TRIB2: variants seen among roughly 807,000 people sequenced by gnomAD.
TRIB2 encodes tribbles homolog 2.
Under a neutral mutation model 26.8 loss-of-function variants are expected in TRIB2, and 2 were observed. That is an observed-to-expected ratio of 0.07 (90% confidence interval 0.03 to 0.24). TRIB2 has a LOEUF of 0.24. Ranked by LOEUF, TRIB2 falls within the 10% of genes least tolerant of loss-of-function variation. The pLI is 1.00. For synonymous variants in TRIB2, 189 were observed against 187.3 expected (o/e 1.01, Z -0.08); for missense variants, 306 against 449.0 (o/e 0.68, Z 2.88).
rs1346973390 is a variant in TRIB2, at chr2:12,740,393, G to A, written c.631G>A (p.Asp211Asn). 7 of 1,614,054 alleles carry A rather than the reference G, an allele frequency of 4.3e-6. No homozygotes were observed. The highest frequency in any genetic ancestry group is 1.6e-4 in the Middle Eastern group (1 of 6,084). The change falls in exon 3 of 3, where the codon GAC becomes AAC. Residue 211 changes from aspartate to asparagine, a missense_variant. By Grantham distance (23) the Asp-to-Asn change is conservative. Around this residue, in one of 4 missense-constraint regions of TRIB2, gnomAD observed 118 missense variants for 188.8 expected, o/e 0.63. Transcript: ENST00000155926. The surrounding 1 kb of genome is among the most constrained non-coding windows in gnomAD (Gnocchi z 5.8). ...GCGGGGAGATGATGATTCCCTCTCC[G>A]ACAAGCATGGCTGCCCGGCTTACGT... Reference protein sequence around the residue: ...ILRGDDDSLSDKHGCPAYVSP... With the variant: ...ILRGDDDSLSNKHGCPAYVSP...
rs1244754239 is a variant in TRIB2 at position 12,717,911 on chromosome 2, G to C, written c.-397G>C. 1 of 242,466 alleles carries C rather than the reference G, an allele frequency of 4.1e-6. No homozygotes were observed. Among genetic ancestry groups the C allele is most frequent in the African/African-American group, 2.2e-5 (1 of 44,642 alleles). The allele number at this position is 242,466 out of a possible 1,614,324, so 15.0% of individuals were successfully genotyped here. On this transcript the variant is annotated 5_prime_UTR_variant, in exon 1 of 3. Transcript: ENST00000155926. The surrounding 1 kb of genome is among the most constrained non-coding windows in gnomAD (Gnocchi z 4.8). ...CCGCGGGCTCCTCCGCCCCGTCTGCGATTCGGAAGCCGGCCTGGGGGTCGC... is the reference window on the plus strand; with the variant it reads ...CCGCGGGCTCCTCCGCCCCGTCTGCCATTCGGAAGCCGGCCTGGGGGTCGC...
At position 12,717,547 on chromosome 2, in the gene TRIB2, T is replaced by C. The variant is rs1666619819; in HGVS notation, c.-761T>C. 2.5e-6 allele frequency: 1 copy of C among 398,216 alleles called. No individual in the cohort carries two copies. Among genetic ancestry groups the C allele is most frequent in the Non-Finnish European group, 4.4e-6 (1 of 225,840 alleles). The allele number at this position is 398,216 out of a possible 1,614,324, so 24.7% of individuals were successfully genotyped here. A position where few individuals can be genotyped will look rare whatever the true frequency, so the allele number is the denominator to read the frequency against. The stretch of plus-strand genomic sequence containing the variant: ...CCCGCGCCGCAACTCTGTGCCCAGC[T>C]TTTGCAATCTTTTGTTGGCAGCGCT... On this transcript the variant is annotated 5_prime_UTR_variant, in exon 1 of 3. Coordinates refer to ENST00000155926, the MANE Select transcript of TRIB2 (RefSeq NM_021643.4). The surrounding 1 kb of genome is among the most constrained non-coding windows in gnomAD (Gnocchi z 4.8).
At chr2:12,723,180 C>A in intron 1 of TRIB2, 80 bp from the exon 2 acceptor site, 2 of 1,475,796 alleles carry the variant, frequency 1.4e-6, no homozygotes, top group East Asian at 2.3e-5. Context: ...AAGCCCATAC[C>A]TGTGGGAGGT....
At chr2:12,723,233 T>G in intron 1 of TRIB2, 27 bp from the exon 2 acceptor site, 1 of 1,597,414 alleles carries the variant, frequency 6.3e-7, no homozygotes, top group Non-Finnish European at 8.5e-7. Flanking sequence ...ACCTCTGACT[T>G]TGGTCTTACT....
At chr2:12,729,871 A>G (rs1661417208) in intron 2 of TRIB2, among the ~76,000 whole-genome samples, 1 of 152,262 alleles carries the variant, frequency 6.6e-6, no homozygotes, top group Non-Finnish European at 1.5e-5. Flanking sequence ...CTTCTCTGAA[A>G]TCATGAGAAG....
chr2:12,740,644 A>G lies in TRIB2; in HGVS notation c.882A>G (p.Ser294=), dbSNP rs931103109. 2 of 1,614,230 alleles carry G rather than the reference A, an allele frequency of 1.2e-6. No individual in the cohort carries two copies. Among genetic ancestry groups the G allele is most frequent in the Admixed American group, 1.7e-5 (1 of 60,034 alleles). ...LIRSILRREP[S]ERLTSQEILD... ...GAAGCATTCTGCGTCGGGAGCCCTC[A>G]GAGCGGCTGACCTCGCAGGAAATTC... The change falls in exon 3 of 3, where the codon TCA becomes TCG. Residue 294 remains serine (S), a synonymous_variant. Coordinates refer to ENST00000155926, the MANE Select transcript of TRIB2 (RefSeq NM_021643.4). The surrounding 1 kb of genome is among the most constrained non-coding windows in gnomAD (Gnocchi z 5.8).
In TRIB2 at chr2:12,732,117, A is replaced by G. The variant is rs1163720513; in HGVS notation, c.564-8209A>G. 6.6e-6 allele frequency among the ~76,000 whole-genome samples: 1 copy of G among 152,068 alleles called. No individual in the cohort carries two copies. Among genetic ancestry groups the G allele is most frequent in the Non-Finnish European group, 1.5e-5 (1 of 68,016 alleles). ...CCTCTGTGAAGCCCTGGCGGCCTGC[A>G]GGCTGTGCTTGTGTGGTGTCTGCAT... is the stretch of plus-strand genomic sequence containing the variant. On this transcript the variant is annotated intron_variant, in intron 2 of 2. Transcript: ENST00000155926. The surrounding 1 kb of genome is among the most constrained non-coding windows in gnomAD (Gnocchi z 4.2).
intron 2 of TRIB2, among the ~76,000 whole-genome samples, chr2:12,737,176 G>GCC (rs1558320046): frequency 6.6e-6 from 1 of 152,206 alleles, no homozygotes; most frequent in African/African-American, 2.4e-5. Context: ...CAGGTTTGGG[G>GCC]CAGACGAACC....
rs1310661197 is a variant in TRIB2, at chr2:12,718,804, G to A, written c.270+227G>A. ...GGCGTTTCGGGGAGAGCCCGGGGAG[G>A]AGAGGGCGGCGGGACTGCGCGGGGG... On this transcript the variant is annotated intron_variant, in intron 1 of 2. Transcript: ENST00000155926. The surrounding 1 kb of genome is among the most constrained non-coding windows in gnomAD (Gnocchi z 4.0). 6.6e-6 allele frequency among the ~76,000 whole-genome samples: 1 copy of A among 152,172 alleles called. No individual in the cohort carries two copies. Among genetic ancestry groups the A allele is most frequent in the Non-Finnish European group, 1.5e-5 (1 of 68,034 alleles).
At position 12,717,142 on chromosome 2, in the gene TRIB2, C is replaced by T; in HGVS notation, c.-1166C>T. ...CCCTCTTTTCTCTGGGGGGGGCAAG[C>T]AAGAAATCAAAGAAGGAGGAGACAA... On this transcript the variant is annotated 5_prime_UTR_variant, in exon 1 of 3. Transcript: ENST00000155926. This position sits in a 1 kb window ranked among gnomAD's most constrained non-coding sequence, Gnocchi z 4.8. 1 of 380,326 alleles carries T rather than the reference C, an allele frequency of 2.6e-6. No individual in the cohort carries two copies. The highest frequency in any genetic ancestry group is 4.5e-5 in the Admixed American group (1 of 22,176). 23.6% of individuals were successfully genotyped at this position (380,326 alleles called of 1,614,324 possible).
chr2:12,733,193 C>T (rs929366283), intron 2 of TRIB2, among the ~76,000 whole-genome samples: 1 of 152,200 alleles, frequency 6.6e-6, no homozygotes, highest in Non-Finnish European at 1.5e-5. Flanking sequence ...TTGGACAAGT[C>T]ACATCTACTT....
Position 12,740,872 on chromosome 2 carries a change from A to G in TRIB2, c.*78A>G. 7.5e-7 allele frequency: 1 copy of G among 1,341,020 alleles called. No individual in the cohort carries two copies. The highest frequency in any genetic ancestry group is 1.0e-6 in the Non-Finnish European group (1 of 967,894). 83.1% of individuals were successfully genotyped at this position (1,341,020 alleles called of 1,614,324 possible). ...AAAGGAGTTCTTCCGGGGGACACGA[A>G]TTGCCTGGCTGAGTAGCAAGAAAGA... On this transcript the variant is annotated 3_prime_UTR_variant, in exon 3 of 3. Transcript: ENST00000155926. This position sits in a 1 kb window ranked among gnomAD's most constrained non-coding sequence, Gnocchi z 5.8.
rs1558321558 is a variant in TRIB2, at chr2:12,740,764, G to A, written c.1002G>A (p.Met334Ile). Reference protein sequence around the residue: ...VSDQLVPDVNMEENLDPFFN With the variant: ...VSDQLVPDVNIEENLDPFFN ...ACCAGCTGGTGCCGGACGTCAACAT[G>A]GAAGAGAACTTGGACCCTTTCTTTA... Residue 334 changes from methionine to isoleucine, a missense_variant, in exon 3 of 3, where the codon ATG becomes ATA. Physicochemically the swap from Met to Ile is conservative, Grantham distance 10. Around this residue, in one of 4 missense-constraint regions of TRIB2, gnomAD observed 78 missense variants for 104.9 expected, o/e 0.74. Coordinates refer to ENST00000155926, the MANE Select transcript of TRIB2 (RefSeq NM_021643.4). The surrounding 1 kb of genome is among the most constrained non-coding windows in gnomAD (Gnocchi z 5.8). 6.2e-7 allele frequency: 1 copy of A among 1,614,116 alleles called. No individual in the cohort carries two copies. Among genetic ancestry groups the A allele is most frequent in the Non-Finnish European group, 8.5e-7 (1 of 1,180,002 alleles).
Position 12,717,172 on chromosome 2 carries a change from T to A in TRIB2, c.-1136T>A. The A allele has an allele frequency of 2.6e-6, 1 of 391,590 alleles. No homozygotes were observed. The allele number at this position is 391,590 out of a possible 1,614,324, so 24.3% of individuals were successfully genotyped here. ...AATCAAAGAAGGAGGAGACAAGCCG[T>A]CAATTTTCTCCAAAACAAACCCCAC... On this transcript the variant is annotated 5_prime_UTR_variant, in exon 1 of 3. Transcript: ENST00000155926. The surrounding 1 kb of genome is among the most constrained non-coding windows in gnomAD (Gnocchi z 4.8).
In TRIB2 at chr2:12,717,457, T is replaced by G. The variant is rs112323864; in HGVS notation, c.-851T>G. 37 of 398,502 alleles carry G rather than the reference T, an allele frequency of 9.3e-5. 1 individual carries two copies. The highest frequency in any genetic ancestry group is 5.5e-4 in the African/African-American group (27 of 48,738). The allele number at this position is 398,502 out of a possible 1,614,324, so 24.7% of individuals were successfully genotyped here. On this transcript the variant is annotated 5_prime_UTR_variant, in exon 1 of 3. It removes an upstream start codon present in the reference 5' UTR. Transcript: ENST00000155926. This position sits in a 1 kb window ranked among gnomAD's most constrained non-coding sequence, Gnocchi z 4.8. ...GGGGCGCGAGCGAGCGGCGACAGCA[T>G]GAGCCTGTGCTGACCTCCGCGCGGC...
At chr2:12,736,627 G>T (rs1017889786) in intron 2 of TRIB2, among the ~76,000 whole-genome samples, 1 of 152,150 alleles carries the variant, frequency 6.6e-6, no homozygotes, top group Non-Finnish European at 1.5e-5. Context: ...CCCTGGGGTC[G>T]ACAGCAGGAC....
chr2:12,735,382 G>A (rs1661546107), intron 2 of TRIB2, among the ~76,000 whole-genome samples: 1 of 152,102 alleles, frequency 6.6e-6, no homozygotes, highest in Admixed American at 6.5e-5. Flanking sequence ...CCCTGACACT[G>A]GGGAAGCACA....
intron 2 of TRIB2, among the ~76,000 whole-genome samples, chr2:12,731,261 C>T (rs539856354): frequency 3.3e-5 from 5 of 152,052 alleles, no homozygotes; most frequent in Non-Finnish European, 7.4e-5. Context: ...ATGAGTCAAG[C>T]CAGAGGCACA....
intron 2 of TRIB2, among the ~76,000 whole-genome samples, chr2:12,723,907 G>C (rs1661281185): frequency 6.6e-6 from 1 of 152,208 alleles, no homozygotes; most frequent in Non-Finnish European, 1.5e-5. Context: ...ACACTCAGCA[G>C]CCAGAATCAG....
Sources: gnomAD v4.1 joint callset for allele counts (sites outside exome capture counted in the v4.1 genomes callset) on GRCh38, gnomAD v4.1.1 for gene constraint, gnomAD v4.1.1 regional missense constraint, Gnocchi (gnomAD v3.1) non-coding constraint, MANE v1.5 for transcripts, NCBI Gene and HGNC (gene_info 2026-07-23, HGNC 2026-07-21) for gene names.